PRUNE2: variants seen among roughly 807,000 people sequenced by gnomAD.
PRUNE2 encodes the protein prune homolog 2 with BCH domain, also known as protein prune homolog 2.
In PRUNE2, 164 loss-of-function variants were observed where a neutral mutation model predicts 252.0. The observed-to-expected ratio is 0.65, with a 90% CI of 0.57 to 0.74. The LOEUF (loss-of-function observed/expected upper bound fraction) is 0.74, where lower values mean the gene tolerates loss of function less well. Ranked by LOEUF, PRUNE2 falls within the 30% of genes least tolerant of loss-of-function variation. The probability of loss-of-function intolerance (pLI) is 0.00; values close to 1 mark genes in which losing one functional copy is unlikely to be tolerated. For missense variants in PRUNE2, 3,495 were observed against 3,711.0 expected (o/e 0.94, Z 1.51); for synonymous variants, 1,292 against 1,350.2 (o/e 0.96, Z 0.94).
intron 4 of PRUNE2, among the ~76,000 whole-genome samples, chr9:76,837,219 G>T (rs549747699): frequency 6.6e-6 from 1 of 151,974 alleles, no homozygotes; most frequent in Non-Finnish European, 1.5e-5. Flanking sequence ...CAAGGCGGGC[G>T]GATCACAAGG....
chr9:76,717,154 T>G (rs1433296948), intron 6 of PRUNE2, among the ~76,000 whole-genome samples: 2 of 152,214 alleles, frequency 1.3e-5, no homozygotes, highest in Non-Finnish European at 2.9e-5. Context: ...CAAAATACAT[T>G]TTACAATAAC....
chr9:76,903,652 A>G (rs2063312517), intron 1 of PRUNE2, among the ~76,000 whole-genome samples: 1 of 152,156 alleles, frequency 6.6e-6, no homozygotes, highest in African/African-American at 2.4e-5. Flanking sequence ...CAGTGGCACA[A>G]TCTCGACTCA....
chr9:76,655,525 C>A (rs897818203), intron 9 of PRUNE2, 23 bp from the exon 10 acceptor site: 1 of 1,570,798 alleles, frequency 6.4e-7, no homozygotes, highest in Non-Finnish European at 8.8e-7. Flanking sequence ...CAAAGCAAAG[C>A]GCGTCAACAA....
At chr9:76,883,020 C>T (rs1456633723) in intron 1 of PRUNE2, among the ~76,000 whole-genome samples, 2 of 152,120 alleles carry the variant, frequency 1.3e-5, no homozygotes, top group African/African-American at 4.8e-5. Flanking sequence ...TCTTTCAGGC[C>T]TCAATTTTCT....
intron 6 of PRUNE2, among the ~76,000 whole-genome samples, chr9:76,768,903 C>A (rs115798470): frequency 6.6e-6 from 1 of 152,080 alleles, no homozygotes; most frequent in Non-Finnish European, 1.5e-5. Context: ...AAACGCTGTA[C>A]TTTATAAAAA....
At chr9:76,810,671 T>G (rs2057298412) in intron 6 of PRUNE2, among the ~76,000 whole-genome samples, 1 of 152,186 alleles carries the variant, frequency 6.6e-6, no homozygotes, top group African/African-American at 2.4e-5. Flanking sequence ...CCTAAATTAT[T>G]CCTTTGTTTG....
rs148889981 is a variant in PRUNE2, at chr9:76,652,714, T to C, written c.8357-31A>G. On this transcript the variant is annotated intron_variant, in intron 10 of 18. Transcript: ENST00000376718. ...GAAGAAAGAGAACAGCAACATCAAGTATTAAACCAGAGGAGCAATCTAAAT... is the reference window on the plus strand; with the variant it reads ...GAAGAAAGAGAACAGCAACATCAAGCATTAAACCAGAGGAGCAATCTAAAT... 1,520 of 1,471,898 alleles carry C rather than the reference T, an allele frequency of 1.0e-3. 8 individuals are homozygous for C. The African/African-American group carries it at 0.015, about 14-fold the overall frequency. The allele number at this position is 1,471,898 out of a possible 1,614,324, so 91.2% of individuals were successfully genotyped here.
intron 6 of PRUNE2, among the ~76,000 whole-genome samples, chr9:76,812,515 C>A (rs1445325115): frequency 6.6e-6 from 1 of 152,094 alleles, no homozygotes; most frequent in Non-Finnish European, 1.5e-5. Context: ...CTTTGTTTTG[C>A]ATTTTAAAAA....
At chr9:76,717,402 G>T (rs1030035683) in intron 6 of PRUNE2, among the ~76,000 whole-genome samples, 1 of 152,136 alleles carries the variant, frequency 6.6e-6, no homozygotes, top group African/African-American at 2.4e-5. Flanking sequence ...CTCTTATGTT[G>T]CTGACAAGCT....
At chr9:76,619,848 CCT>C (rs1437248410) in intron 17 of PRUNE2, among the ~76,000 whole-genome samples, 1 of 152,188 alleles carries the variant, frequency 6.6e-6, no homozygotes, top group East Asian at 1.9e-4. Flanking sequence ...CGTCAGCTCT[CCT>C]CATTGTTGTT....
chr9:76,725,318 G>A (rs1034762913), intron 6 of PRUNE2, among the ~76,000 whole-genome samples: 71 of 152,210 alleles, frequency 4.7e-4, no homozygotes, highest in African/African-American at 1.5e-3. Context: ...TGTTCCTCAC[G>A]CTCCTTGCAT....
At position 76,638,169 on chromosome 9, in the gene PRUNE2, T is replaced by C; in HGVS notation, c.8831+17A>G. 6.5e-7 allele frequency: 1 copy of C among 1,537,470 alleles called. No homozygotes were observed. On this transcript the variant is annotated intron_variant, in intron 13 of 18. Coordinates refer to ENST00000376718, the MANE Select transcript of PRUNE2 (RefSeq NM_015225.3). The stretch of plus-strand genomic sequence containing the variant: ...ACAGACATTAACTCAAAGCACTTTG[T>C]CATAAGTATCACTCACAGGAAAAGA...
rs184556479 is a variant in PRUNE2, at chr9:76,710,577, T to C, written c.1697A>G (p.His566Arg). The C allele has an allele frequency of 6.8e-6, 11 of 1,613,920 alleles. No homozygotes were observed. The highest frequency in any genetic ancestry group is 9.3e-6 in the Non-Finnish European group (11 of 1,179,842). ...SGAGKDSLVEHDEEFVQRQDS... is the reference protein window; with the variant it reads ...SGAGKDSLVERDEEFVQRQDS... Reference sequence around the variant, plus strand: ...TTGTCTCTGGACAAACTCCTCATCATGTTCCACAAGGCTATCTTTGCCAGC... The same window carrying C: ...TTGTCTCTGGACAAACTCCTCATCACGTTCCACAAGGCTATCTTTGCCAGC... The change falls in exon 8 of 19, where the codon CAT becomes CGT. Residue 566 changes from histidine (H) to arginine (R), a missense_variant. Coordinates refer to ENST00000376718, the MANE Select transcript of PRUNE2 (RefSeq NM_015225.3).
At chr9:76,673,785 C>G (rs1313000157) in intron 9 of PRUNE2, among the ~76,000 whole-genome samples, 61 of 149,176 alleles carry the variant, frequency 4.1e-4, no homozygotes, top group South Asian at 1.3e-3. Context: ...AGCATATAAA[C>G]AGAACCAAAG....
At position 76,708,635 on chromosome 9, in the gene PRUNE2, C is replaced by T; in HGVS notation, c.3639G>A (p.Gln1213=). 1.2e-6 allele frequency: 2 copies of T among 1,613,962 alleles called. No homozygotes were observed. Among genetic ancestry groups the T allele is most frequent in the Non-Finnish European group, 1.7e-6 (2 of 1,179,868 alleles). The change falls in exon 8 of 19, where the codon CAG becomes CAA. Residue 1213 remains glutamine, a synonymous_variant. Transcript: ENST00000376718. ...EHHTLNEKSG[Q]LIANSIWDSV... ...AATCCCAAATACTGTTTGCAATTAG[C>T]TGCCCACTTTTCTCATTCAATGTGT...
intron 1 of PRUNE2, among the ~76,000 whole-genome samples, chr9:76,865,847 A>C (rs9314857): frequency 2.0e-4 from 29 of 145,486 alleles, no homozygotes; most frequent in African/African-American, 6.5e-4. Flanking sequence ...ACACACACAC[A>C]CCAGAGCATT....
chr9:76,852,806 GTCTA>G (rs71354689), intron 2 of PRUNE2, among the ~76,000 whole-genome samples: 4,497 of 76,490 alleles, frequency 0.059, 98 homozygotes, highest in South Asian at 0.16. Flanking sequence ...CTGTCTGTCT[GTCTA>G]TCTATCTATC....
intron 1 of PRUNE2, among the ~76,000 whole-genome samples, chr9:76,887,472 C>G (rs985044100): frequency 6.6e-6 from 1 of 152,304 alleles, no homozygotes; most frequent in East Asian, 1.9e-4. Context: ...TAATTATTAA[C>G]TTTCCTTCCT....
intron 16 of PRUNE2, among the ~76,000 whole-genome samples, chr9:76,627,514 G>A (rs1014064856): frequency 1.3e-5 from 2 of 152,106 alleles, no homozygotes; most frequent in Admixed American, 6.6e-5. Context: ...TTGTGGAAAC[G>A]CTGTGAAGCT....
Sources: gnomAD v4.1 joint callset for allele counts (sites outside exome capture counted in the v4.1 genomes callset) on GRCh38, gnomAD v4.1.1 for gene constraint, MANE v1.5 for transcripts, NCBI Gene and HGNC (gene_info 2026-07-23, HGNC 2026-07-21) for gene names.